The following RAB30 variants were observed in gnomAD, a reference collection of about 807,000 sequenced individuals.
RAB30 encodes ras-related protein Rab-30.
A neutral mutation model predicts 25.1 loss-of-function variants in RAB30; 9 were observed. The ratio of observed to expected loss-of-function variants is 0.36; its 90% confidence interval spans 0.22 to 0.63. The LOEUF (loss-of-function observed/expected upper bound fraction) is 0.63, where lower values mean the gene tolerates loss of function less well. Ranked by LOEUF, RAB30 falls within the 20% of genes least tolerant of loss-of-function variation. The pLI is 0.69. For missense variants in RAB30, 140 were observed against 243.5 expected (o/e 0.58, Z 2.83); for synonymous variants, 77 against 86.4 (o/e 0.89, Z 0.60).
At chr11:83,068,166 C>T (rs1056769091) in intron 1 of RAB30, among the ~76,000 whole-genome samples, 7 of 150,604 alleles carry the variant, frequency 4.6e-5, no homozygotes, top group African/African-American at 9.8e-5. Flanking sequence ...AGCATGGTGG[C>T]GGGCACCTGT....
intron 1 of RAB30, among the ~76,000 whole-genome samples, chr11:83,045,230 G>A (rs1261739060): frequency 1.3e-5 from 2 of 151,798 alleles, no homozygotes; most frequent in African/African-American, 4.8e-5. Context: ...TTATAGAGAC[G>A]AGGTCTCCCT....
At chr11:83,005,354 T>A (rs1167763288) in intron 1 of RAB30, among the ~76,000 whole-genome samples, 1 of 152,220 alleles carries the variant, frequency 6.6e-6, no homozygotes, top group African/African-American at 2.4e-5. Flanking sequence ...GAACACACTG[T>A]GTGCTAGGAA....
chr11:82,983,925 A>T (rs1200211678), intron 4 of RAB30, among the ~76,000 whole-genome samples: 1 of 152,218 alleles, frequency 6.6e-6, no homozygotes, highest in Non-Finnish European at 1.5e-5. Context: ...AAAGCAAATG[A>T]GTAATTATGC....
In RAB30 at chr11:82,979,346, G is replaced by A. The variant is rs1414311738; in HGVS notation, c.*2819C>T. On this transcript the variant is annotated 3_prime_UTR_variant, in exon 5 of 5. Coordinates refer to ENST00000527633, the MANE Select transcript of RAB30 (RefSeq NM_001286060.2). ...ATGGAGGAATACATCAACCCTGGTG[G>A]TCTTAGTAGACCGAGCCAAATTAAA... is the stretch of plus-strand genomic sequence containing the variant. The A allele has an allele frequency of 6.6e-6, 1 of 152,140 alleles. No individual in the cohort carries two copies. The highest frequency in any genetic ancestry group is 1.5e-5 in the Non-Finnish European group (1 of 68,022). 9.4% of individuals were successfully genotyped at this position (152,140 alleles called of 1,614,324 possible). A position where few individuals can be genotyped will look rare whatever the true frequency, so the allele number is the denominator to read the frequency against.
chr11:82,998,269 G>C (rs1210209117), intron 1 of RAB30, among the ~76,000 whole-genome samples: 1 of 152,138 alleles, frequency 6.6e-6, no homozygotes, highest in Non-Finnish European at 1.5e-5. Context: ...TTGCTTATGT[G>C]TAGGCCTTAG....
chr11:83,008,815 C>A (rs567027547), intron 1 of RAB30, among the ~76,000 whole-genome samples: 166 of 152,238 alleles, frequency 1.1e-3, no homozygotes, highest in Non-Finnish European at 1.8e-3. Flanking sequence ...CCCCACCCAG[C>A]CTACTGTGGA....
chr11:83,042,764 A>G (rs1011965366), intron 1 of RAB30, among the ~76,000 whole-genome samples: 3 of 152,222 alleles, frequency 2.0e-5, no homozygotes, highest in Admixed American at 6.5e-5. Context: ...TTTAACCTGT[A>G]TATAATCATG....
chr11:83,046,952 G>GACATTTTAACATTCT (rs1673240373), intron 1 of RAB30, among the ~76,000 whole-genome samples: 1 of 152,162 alleles, frequency 6.6e-6, no homozygotes, highest in Admixed American at 6.5e-5. Context: ...TTTAAACCCT[G>GACATTTTAACATTCT]ACATTTTAAC....
At chr11:83,062,854 T>G (rs1197203078) in intron 1 of RAB30, among the ~76,000 whole-genome samples, 3 of 151,810 alleles carry the variant, frequency 2.0e-5, no homozygotes, top group African/African-American at 7.3e-5. Flanking sequence ...TACAAAAAAA[T>G]TAGCCAGGCA....
intron 1 of RAB30, among the ~76,000 whole-genome samples, chr11:83,005,511 T>C (rs1183314380): frequency 6.6e-6 from 1 of 152,236 alleles, no homozygotes; most frequent in Admixed American, 6.5e-5. Context: ...TGAGTAAAAG[T>C]GCCTGGATTC....
At chr11:83,017,395 T>C (rs533384766) in intron 1 of RAB30, among the ~76,000 whole-genome samples, 1 of 152,308 alleles carries the variant, frequency 6.6e-6, no homozygotes, top group East Asian at 1.9e-4. Context: ...ATTTCTTTTA[T>C]TTAAATAGTT....
intron 1 of RAB30, among the ~76,000 whole-genome samples, chr11:83,058,110 T>C (rs899178714): frequency 1.3e-5 from 2 of 152,236 alleles, no homozygotes; most frequent in African/African-American, 4.8e-5. Context: ...AAACTACTAA[T>C]TACCCTTCAC....
At chr11:82,993,972 G>T in intron 3 of RAB30, 67 bp downstream of exon 3, 1 of 1,241,972 alleles carries the variant, frequency 8.1e-7, no homozygotes, top group Non-Finnish European at 1.2e-6. Flanking sequence ...AAATGGTTAT[G>T]AAAGCAGTAC....
intron 4 of RAB30, among the ~76,000 whole-genome samples, chr11:82,985,262 G>A (rs1184660558): frequency 6.6e-6 from 1 of 152,132 alleles, no homozygotes; most frequent in African/African-American, 2.4e-5. Flanking sequence ...ACCATGCCCA[G>A]CCCATCAAAT....
intron 1 of RAB30, among the ~76,000 whole-genome samples, chr11:83,056,115 C>T (rs1858454474): frequency 6.6e-6 from 1 of 152,154 alleles, no homozygotes; most frequent in Non-Finnish European, 1.5e-5. Flanking sequence ...TGATGTGCAG[C>T]CAATCTATAG....
chr11:83,029,136 A>G (rs947513134), intron 1 of RAB30, among the ~76,000 whole-genome samples: 1 of 152,210 alleles, frequency 6.6e-6, no homozygotes, highest in East Asian at 1.9e-4. Context: ...TGACTACCAC[A>G]GGAAGTAGCC....
At chr11:82,999,612 C>T (rs1266338321) in intron 1 of RAB30, among the ~76,000 whole-genome samples, 1 of 152,186 alleles carries the variant, frequency 6.6e-6, no homozygotes, top group Non-Finnish European at 1.5e-5. Flanking sequence ...TCCTCATAAT[C>T]CACATTCTAG....
chr11:83,012,189 C>T (rs1332540969), intron 1 of RAB30, among the ~76,000 whole-genome samples: 1 of 152,170 alleles, frequency 6.6e-6, no homozygotes, highest in Non-Finnish European at 1.5e-5. Context: ...AGATGTGGTA[C>T]GCCACCACTA....
rs552631290 is a variant in RAB30, at chr11:83,005,890, A to G, written c.-8-8566T>C. ...AAAATTCAATAACCGACTAGAAAAA[A>G]TAGGCTAAGGACATGAGCAGATAAT... On this transcript the variant is annotated intron_variant, in intron 1 of 4. Transcript: ENST00000527633. Among the ~76,000 whole-genome samples the G allele has an allele frequency of 1.2e-4, 19 of 152,224 alleles. No individual in the cohort carries two copies. In the South Asian group the frequency reaches 3.7e-3, roughly 30 times the overall value.
Sources: allele counts gnomAD v4.1 joint callset (sites outside exome capture counted in the v4.1 genomes callset), GRCh38; gene constraint gnomAD v4.1.1; transcripts MANE v1.5; gene names NCBI Gene and HGNC (gene_info 2026-07-23, HGNC 2026-07-21).